The following THEMIS variants were observed in gnomAD, a reference collection of about 807,000 sequenced individuals.
THEMIS encodes protein THEMIS.
THEMIS carries 37 observed loss-of-function variants against 52.6 expected under a neutral mutation model. That is an observed-to-expected ratio of 0.70 (90% CI 0.54 to 0.93). The LOEUF is 0.93. Among genes scored for constraint, THEMIS ranks in the 40% least tolerant of loss-of-function variants. The pLI, the probability that THEMIS is intolerant of heterozygous loss-of-function variation, is 0.00. For synonymous variants in THEMIS, 292 were observed against 272.7 expected (o/e 1.07, Z -0.70); for missense variants, 808 against 763.1 (o/e 1.06, Z -0.69).
At position 127,861,598 on chromosome 6, in the gene THEMIS, AC is replaced by A; in HGVS notation, c.92-6411del. Among the ~76,000 whole-genome samples the A allele has an allele frequency of 2.0e-5, 3 of 152,078 alleles. No individual in the cohort carries two copies. The South Asian group carries it at 6.2e-4, about 32-fold the overall frequency. On this transcript the variant is annotated intron_variant, in intron 1 of 5. Transcript: ENST00000368248. ...TAGGAGTTCAAGACCAGCCTGGCCA[AC>A]ATGGTGAAACCTGTCTCTACTAAAA...
intron 4 of THEMIS, among the ~76,000 whole-genome samples, chr6:127,783,724 A>C (rs1776827559): frequency 6.6e-6 from 1 of 152,234 alleles, no homozygotes; most frequent in African/African-American, 2.4e-5. Flanking sequence ...ATCATTAAAA[A>C]GTCAGGAAAC....
At chr6:127,760,327 A>G (rs1775979750) in intron 4 of THEMIS, among the ~76,000 whole-genome samples, 1 of 152,122 alleles carries the variant, frequency 6.6e-6, no homozygotes, top group African/African-American at 2.4e-5. Flanking sequence ...TGTTGCCTCC[A>G]GCTTTATTCT....
At chr6:127,784,979 CTAT>C (rs1776878996) in intron 4 of THEMIS, among the ~76,000 whole-genome samples, 2 of 135,916 alleles carry the variant, frequency 1.5e-5, no homozygotes, top group Non-Finnish European at 3.4e-5. Flanking sequence ...ATCTATCTAT[CTAT>C]CTATCTATCT....
At chr6:127,853,050 C>T (rs1779484580) in intron 2 of THEMIS, among the ~76,000 whole-genome samples, 1 of 151,518 alleles carries the variant, frequency 6.6e-6, no homozygotes, top group African/African-American at 2.4e-5. Context: ...ACCAAAGATT[C>T]TAGTCATTTT....
chr6:127,829,529 A>T lies in THEMIS; in HGVS notation c.656T>A (p.Phe219Tyr), dbSNP rs144817690. The change falls in exon 3 of 6, where the codon TTT (phenylalanine) becomes TAT (tyrosine). Residue 219 changes from phenylalanine (F) to tyrosine (Y), a missense_variant. Transcript: ENST00000368248. ...AGGCTTGAGAATCAGGGTACCATAA[A>T]AGTCTTTAGGAAATGGATTCGTTGA... ...WDSTNPFPKDFYGTLILKPVY... is the reference protein window; with the variant it reads ...WDSTNPFPKDYYGTLILKPVY... The T allele has an allele frequency of 1.3e-5, 21 of 1,613,056 alleles. No individual in the cohort carries two copies. Among genetic ancestry groups the T allele is most frequent in the Non-Finnish European group, 1.8e-5 (21 of 1,179,664 alleles).
downstream of THEMIS, among the ~76,000 whole-genome samples, chr6:127,707,518 A>C (rs2114438930): frequency 6.6e-6 from 1 of 152,272 alleles, no homozygotes; most frequent in Middle Eastern, 3.4e-3. Context: ...TTTTGCAATA[A>C]TCCAACAGAG....
At chr6:127,862,662 C>T (rs1779846318) in intron 1 of THEMIS, among the ~76,000 whole-genome samples, 1 of 151,670 alleles carries the variant, frequency 6.6e-6, no homozygotes, top group African/African-American at 2.4e-5. Context: ...TCAAGTGATC[C>T]ACCCACCTCG....
At position 127,813,489 on chromosome 6, in the gene THEMIS, A is replaced by T. The variant is rs777000625; in HGVS notation, c.1152T>A (p.Ser384=). ...GATGCACCAGAAACTGGTCCCCAACAGATACGGATGACAGCTTGTCATGAG... is the reference window on the plus strand; with the variant it reads ...GATGCACCAGAAACTGGTCCCCAACTGATACGGATGACAGCTTGTCATGAG... The part of the protein sequence containing the change: ...HSPHDKLSSV[S]VGDQFLVHQS... The change falls in exon 4 of 6, where the codon TCT becomes TCA. Residue 384 remains serine, a synonymous_variant. Transcript: ENST00000368248. 1 of 1,613,962 alleles carries T rather than the reference A, an allele frequency of 6.2e-7. No homozygotes were observed. Among genetic ancestry groups the T allele is most frequent in the Non-Finnish European group, 8.5e-7 (1 of 1,179,976 alleles).
chr6:127,736,487 C>G (rs1366959666), intron 4 of THEMIS, among the ~76,000 whole-genome samples: 1 of 152,106 alleles, frequency 6.6e-6, no homozygotes, highest in Non-Finnish European at 1.5e-5. Context: ...GGTTTTCTAA[C>G]ACCCAGATCT....
In THEMIS at chr6:127,719,721, CT is replaced by C. The variant is rs777929348; in HGVS notation, c.1860del (p.Glu621LysfsTer10). 1.2e-5 allele frequency: 19 copies of C among 1,612,026 alleles called. No homozygotes were observed. The highest frequency in any genetic ancestry group is 1.6e-5 in the Non-Finnish European group (19 of 1,178,888). On this transcript the variant is annotated frameshift_variant, in exon 5 of 6. Transcript: ENST00000368248. LOFTEE classifies it high-confidence loss of function. ...GSQNDLVDEE[K>X]ERSNRGATAI... ...GCTGTGGCCCCACGGTTGCTCCTTT[CT>C]TTCTCTTCATCCACCAAATCATTCT...
intron 4 of THEMIS, among the ~76,000 whole-genome samples, chr6:127,740,403 T>A (rs1265225769): frequency 6.6e-6 from 1 of 151,692 alleles, no homozygotes; most frequent in Non-Finnish European, 1.5e-5. Flanking sequence ...TGGATTTAAA[T>A]GTTGCTAAAA....
intron 4 of THEMIS, among the ~76,000 whole-genome samples, chr6:127,797,133 C>T (rs1456985316): frequency 3.3e-5 from 5 of 152,192 alleles, no homozygotes; most frequent in Non-Finnish European, 4.4e-5. Flanking sequence ...CTCCTGCATC[C>T]GTGCACTAAC....
chr6:127,819,517 A>G (rs2114628939), intron 3 of THEMIS, among the ~76,000 whole-genome samples: 1 of 152,312 alleles, frequency 6.6e-6, no homozygotes, highest in African/African-American at 2.4e-5. Context: ...CAAATCAAAG[A>G]CAAAGCAAAA....
intron 1 of THEMIS, among the ~76,000 whole-genome samples, chr6:127,866,009 T>A (rs190601107): frequency 1.3e-5 from 2 of 152,236 alleles, no homozygotes; most frequent in Non-Finnish European, 2.9e-5. Flanking sequence ...AATGGAATCC[T>A]GGAGTCCCAG....
At chr6:127,778,263 A>G (rs144799832) in intron 4 of THEMIS, among the ~76,000 whole-genome samples, 2 of 152,246 alleles carry the variant, frequency 1.3e-5, no homozygotes, top group Non-Finnish European at 2.9e-5. Flanking sequence ...AATCTTCCCT[A>G]TAGCACAGAA....
At chr6:127,894,989 A>G (rs1780920937) in intron 1 of THEMIS, among the ~76,000 whole-genome samples, 1 of 148,322 alleles carries the variant, frequency 6.7e-6, no homozygotes, top group Admixed American at 6.7e-5. Context: ...ATGAATATAT[A>G]TATTTATATG....
intron 4 of THEMIS, among the ~76,000 whole-genome samples, chr6:127,737,466 GA>G (rs1408785900): frequency 1.3e-5 from 2 of 152,132 alleles, no homozygotes; most frequent in Non-Finnish European, 2.9e-5. Flanking sequence ...TCTTAAAGCA[GA>G]GCCAAGTAAG....
intron 2 of THEMIS, among the ~76,000 whole-genome samples, chr6:127,837,117 C>T (rs941953423): frequency 5.3e-5 from 8 of 152,040 alleles, no homozygotes; most frequent in African/African-American, 1.9e-4. Context: ...TGTCTGGCAG[C>T]CCTGGATATG....
At chr6:127,741,927 C>A (rs1282590141) in intron 4 of THEMIS, among the ~76,000 whole-genome samples, 1 of 152,056 alleles carries the variant, frequency 6.6e-6, no homozygotes, top group East Asian at 1.9e-4. Context: ...GTGGAACAGT[C>A]AAGAGGATCA....
Sources: allele counts gnomAD v4.1 joint callset (sites outside exome capture counted in the v4.1 genomes callset), GRCh38; gene constraint gnomAD v4.1.1; transcripts MANE v1.5; gene names NCBI Gene and HGNC (gene_info 2026-07-23, HGNC 2026-07-21).